Variants in RFC4 observed in about 807,000 individuals in gnomAD.
The protein encoded by RFC4 is replication factor C subunit 4.
In RFC4, 38 loss-of-function variants were observed where a neutral mutation model predicts 47.6. The observed-to-expected ratio is 0.80, with a 90% CI of 0.62 to 1.05. RFC4 has a LOEUF of 1.05. Among genes scored for constraint, RFC4 ranks in the 50% least tolerant of loss-of-function variants. The probability of loss-of-function intolerance (pLI) is 0.00; values close to 1 mark genes in which losing one functional copy is unlikely to be tolerated. For missense variants in RFC4, 489 were observed against 434.0 expected (o/e 1.13, Z -1.13); for synonymous variants, 164 against 150.0 (o/e 1.09, Z -0.68).
Position 186,794,903 on chromosome 3 carries a change from T to A in RFC4, c.291-126A>T. The A allele has an allele frequency of 6.6e-6, 7 of 1,056,374 alleles. No individual in the cohort carries two copies. In the East Asian group the frequency reaches 1.8e-4, roughly 27 times the overall value. 65.4% of individuals were successfully genotyped at this position (1,056,374 alleles called of 1,614,324 possible). A position where few individuals can be genotyped will look rare whatever the true frequency, so the allele number is the denominator to read the frequency against. The stretch of plus-strand genomic sequence containing the variant: ...AACAACATGGATAGAAGGCACACAA[T>A]CACTTTTGCATTCTCGCTTCAGCAG... On this transcript the variant is annotated intron_variant, in intron 4 of 10. Coordinates refer to ENST00000296273, the MANE Select transcript of RFC4 (RefSeq NM_002916.5).
In RFC4 at chr3:186,789,936, AT is replaced by A; in HGVS notation, c.*32del. The A allele has an allele frequency of 1.5e-6, 2 of 1,321,580 alleles. No homozygotes were observed. Among genetic ancestry groups the A allele is most frequent in the Non-Finnish European group, 2.2e-6 (2 of 926,944 alleles). 81.9% of individuals were successfully genotyped at this position (1,321,580 alleles called of 1,614,324 possible). A position where few individuals can be genotyped will look rare whatever the true frequency, so the allele number is the denominator to read the frequency against. On this transcript the variant is annotated 3_prime_UTR_variant, in exon 11 of 11. Coordinates refer to ENST00000296273, the MANE Select transcript of RFC4 (RefSeq NM_002916.5). The stretch of plus-strand genomic sequence containing the variant: ...ATTTTATTTTTATTACAACTTCATT[AT>A]TTACAAAACCCCCCATCCAGATATA...
In RFC4 at chr3:186,790,273, T is replaced by TA. The variant is rs1241543334; in HGVS notation, c.883-19_883-18insT. On this transcript the variant is annotated intron_variant, in intron 9 of 10. Coordinates refer to ENST00000296273, the MANE Select transcript of RFC4 (RefSeq NM_002916.5). ...ATTAAATCCTATAATAAAAAAAACTTTTGGTATGATGACTTAATATTCCTT... is the reference window on the plus strand; with the variant it reads ...ATTAAATCCTATAATAAAAAAAACTTATTGGTATGATGACTTAATATTCCTT... 3.2e-5 allele frequency: 52 copies of TA among 1,611,364 alleles called. No homozygotes were observed. Among genetic ancestry groups the TA allele is most frequent in the Non-Finnish European group, 4.2e-5 (50 of 1,177,856 alleles).
rs753783647 is a variant in RFC4, at chr3:186,801,149, C to T, written c.178G>A (p.Ala60Thr). The stretch of plus-strand genomic sequence containing the variant: ...CCTTCTAAAGATTTTTTCAGCACTG[C>T]AACCACTTCTTCCTGGAAAGCAACT... ...DEVAFQEEVV[A>T]VLKKSLEGAD... The change falls in exon 3 of 11, where the codon GCA becomes ACA. Residue 60 changes from alanine to threonine, a missense_variant. Ala to Thr is a moderately conservative substitution (Grantham distance 58, BLOSUM62 0). Coordinates refer to ENST00000296273, the MANE Select transcript of RFC4 (RefSeq NM_002916.5). 1.2e-6 allele frequency: 2 copies of T among 1,614,124 alleles called. No individual in the cohort carries two copies. Among genetic ancestry groups the T allele is most frequent in the South Asian group, 2.2e-5 (2 of 91,084 alleles).
At position 186,790,407 on chromosome 3, in the gene RFC4, C is replaced by T. The variant is rs747081449; in HGVS notation, c.802-1G>A. ...CATCAATTTTCTCAGCTGGTATTAC[C>T]TAGGTAATTGAATGTTCGGTATTAA... is the stretch of plus-strand genomic sequence containing the variant. On this transcript the variant is annotated splice_acceptor_variant, in intron 8 of 10. Coordinates refer to ENST00000296273, the MANE Select transcript of RFC4 (RefSeq NM_002916.5). LOFTEE classifies it high-confidence loss of function. 6.2e-7 allele frequency: 1 copy of T among 1,606,912 alleles called. No individual in the cohort carries two copies. The highest frequency in any genetic ancestry group is 8.5e-7 in the Non-Finnish European group (1 of 1,173,462).
In RFC4 at chr3:186,796,633, C is replaced by T. The variant is rs1722249599; in HGVS notation, c.290+902G>A. Among the ~76,000 whole-genome samples the T allele has an allele frequency of 6.6e-6, 1 of 152,116 alleles. No homozygotes were observed. The highest frequency in any genetic ancestry group is 1.9e-4 in the East Asian group (1 of 5,192). On this transcript the variant is annotated intron_variant, in intron 4 of 10. Coordinates refer to ENST00000296273, the MANE Select transcript of RFC4 (RefSeq NM_002916.5). The surrounding 1 kb of genome is among the most constrained non-coding windows in gnomAD (Gnocchi z 4.2). ...TAGCTGGGACTACAGGTGCATGCCA[C>T]CATGCCTGGCAAATTTTTGTATTTT...
Position 186,804,758 on chromosome 3 carries a change from T to C in RFC4, c.-11-34A>G, listed in dbSNP as rs754574290. The C allele has an allele frequency of 3.8e-6, 6 of 1,581,638 alleles. No individual in the cohort carries two copies. In the East Asian group the frequency reaches 1.3e-4, roughly 36 times the overall value. On this transcript the variant is annotated intron_variant, in intron 1 of 10. Coordinates refer to ENST00000296273, the MANE Select transcript of RFC4 (RefSeq NM_002916.5). The stretch of plus-strand genomic sequence containing the variant: ...GTGCAAGACAGAAAAAAAAAGCTTT[T>C]ATTGAAACTTTTATTGCGAATCAGC...
intron 4 of RFC4, 121 bp from the exon 5 acceptor site, chr3:186,794,898 C>A: frequency 9.1e-7 from 1 of 1,096,700 alleles, no homozygotes; most frequent in Non-Finnish European, 1.3e-6. Flanking sequence ...ATAGAAGGCA[C>A]ACAATCACTT....
At chr3:186,798,628 C>G (rs1042498221) in intron 3 of RFC4, among the ~76,000 whole-genome samples, 10 of 152,104 alleles carry the variant, frequency 6.6e-5, no homozygotes, top group Admixed American at 5.9e-4. Context: ...CAGGCTCTAG[C>G]TTACAATGGC....
rs941006751 is a variant in RFC4, at chr3:186,790,341, T to C, written c.867A>G (p.Leu289=). 1.9e-6 allele frequency: 3 copies of C among 1,613,790 alleles called. No homozygotes were observed. The highest frequency in any genetic ancestry group is 2.5e-6 in the Non-Finnish European group (3 of 1,179,668). Residue 289 remains leucine (L), a synonymous_variant, in exon 9 of 11, where the codon CTA becomes CTG. Transcript: ENST00000296273. ...AACQSGSFDK[L]EAVVKDLIDE... ...CTGACTTTACCTTGACCACAGCTTCTAGTTTGTCAAAAGAGCCACTCTGAC... is the reference window on the plus strand; with the variant it reads ...CTGACTTTACCTTGACCACAGCTTCCAGTTTGTCAAAAGAGCCACTCTGAC...
intron 10 of RFC4, 36 bp downstream of exon 10, chr3:186,790,106 A>G: frequency 6.2e-7 from 1 of 1,603,480 alleles, no homozygotes. Context: ...TCAGGTAGTT[A>G]AATGTTCCAT....
intron 3 of RFC4, among the ~76,000 whole-genome samples, chr3:186,799,314 GAATT>G (rs1256516124): frequency 6.6e-6 from 1 of 152,080 alleles, no homozygotes; most frequent in East Asian, 1.9e-4. Context: ...TAAATTGAAT[GAATT>G]GTTTTCCTTT....
At position 186,789,914 on chromosome 3, in the gene RFC4, T is replaced by C. The variant is rs1722016691; in HGVS notation, c.*55A>G. The stretch of plus-strand genomic sequence containing the variant: ...CACTTTAAAGGTGCTTTTGGTCATT[T>C]TATTTTTATTACAACTTCATTATTT... On this transcript the variant is annotated 3_prime_UTR_variant, in exon 11 of 11. Coordinates refer to ENST00000296273, the MANE Select transcript of RFC4 (RefSeq NM_002916.5). The C allele has an allele frequency of 1.7e-6, 2 of 1,155,590 alleles. No homozygotes were observed. Among genetic ancestry groups the C allele is most frequent in the Non-Finnish European group, 2.5e-6 (2 of 786,792 alleles). 71.6% of individuals were successfully genotyped at this position (1,155,590 alleles called of 1,614,324 possible).
Position 186,790,060 on chromosome 3 carries a change from A to G in RFC4, c.1001T>C (p.Val334Ala), listed in dbSNP as rs1191835902. The G allele has an allele frequency of 3.2e-5, 51 of 1,613,190 alleles. No individual in the cohort carries two copies. The highest frequency in any genetic ancestry group is 4.2e-5 in the Non-Finnish European group (49 of 1,179,324). Residue 334 changes from valine (V) to alanine (A), a missense_variant, in exon 11 of 11, where the codon GTT (valine) becomes GCT (alanine). Physicochemically the swap from Val to Ala is moderately conservative, Grantham distance 64. Around this residue, in one of 2 missense-constraint regions of RFC4, gnomAD observed 283 missense variants for 176.2 expected, o/e 1.61. Coordinates refer to ENST00000296273, the MANE Select transcript of RFC4 (RefSeq NM_002916.5). Reference sequence around the variant, plus strand: ...AGCACCATCTGCTAGGCATTTGTCAACTTCCTACGAGAAAAATTTAAGAAA... The same window carrying G: ...AGCACCATCTGCTAGGCATTTGTCAGCTTCCTACGAGAAAAATTTAAGAAA... ...KSIITEKLAE[V>A]DKCLADGADE... is the part of the protein sequence containing the mutation.
At chr3:186,792,661 A>G in intron 6 of RFC4, 51 bp from the exon 7 acceptor site, 3 of 1,584,482 alleles carry the variant, frequency 1.9e-6, no homozygotes, top group Non-Finnish European at 2.6e-6. Flanking sequence ...GAATTTCCCC[A>G]AAAGAACTCA....
At chr3:186,801,728 A>G (rs1340021788) in intron 2 of RFC4, among the ~76,000 whole-genome samples, 17 of 150,618 alleles carry the variant, frequency 1.1e-4, no homozygotes, top group South Asian at 2.1e-4. Flanking sequence ...AAAAAAAAAA[A>G]AAAGAAATTA....
chr3:186,790,507 C>A, intron 8 of RFC4, 101 bp from the exon 9 acceptor site: 1 of 825,780 alleles, frequency 1.2e-6, no homozygotes, highest in South Asian at 1.4e-5. Context: ...TGTTCCACAC[C>A]TAAGTTCCAT....
chr3:186,804,943 T>C (rs900624772), intron 1 of RFC4: 9 of 397,384 alleles, frequency 2.3e-5, no homozygotes, highest in Admixed American at 1.3e-4. Context: ...AACAGAAAAG[T>C]GGTCAAAGTC....
chr3:186,805,095 TCA>T (rs1722448774), intron 1 of RFC4, among the ~76,000 whole-genome samples: 1 of 152,248 alleles, frequency 6.6e-6, no homozygotes, highest in South Asian at 2.1e-4. Context: ...ATGGTTTCTT[TCA>T]CAGTCATGGG....
chr3:186,791,653 G>A (rs1451299027), intron 8 of RFC4, 72 bp downstream of exon 8: 2 of 1,367,870 alleles, frequency 1.5e-6, no homozygotes, highest in Non-Finnish European at 2.1e-6. Context: ...CCCAGTATTT[G>A]TTGGATGAAA....
Sources: allele counts gnomAD v4.1 joint callset (sites outside exome capture counted in the v4.1 genomes callset), GRCh38; gene constraint gnomAD v4.1.1; regional missense constraint gnomAD v4.1.1; non-coding constraint Gnocchi (gnomAD v3.1); transcripts MANE v1.5; gene names NCBI Gene and HGNC (gene_info 2026-07-23, HGNC 2026-07-21).